LARGE1: variants seen among roughly 807,000 people sequenced by gnomAD.
LARGE1 encodes the protein LARGE xylosyl- and glucuronyltransferase 1.
Under a neutral mutation model 87.6 loss-of-function variants are expected in LARGE1, and 43 were observed. That is an observed-to-expected ratio of 0.49 (90% CI 0.38 to 0.63). LARGE1 has a LOEUF of 0.63. LARGE1 is among the 30% of genes least tolerant of loss of function. The probability of loss-of-function intolerance (pLI) is 0.00; values close to 1 mark genes in which losing one functional copy is unlikely to be tolerated. For missense variants in LARGE1, 802 were observed against 1,000.2 expected (o/e 0.80, Z 2.67); for synonymous variants, 434 against 394.6 (o/e 1.10, Z -1.18).
At chr22:33,266,326 A>G (rs1178701079) in intron 11 of LARGE1, among the ~76,000 whole-genome samples, 1 of 148,220 alleles carries the variant, frequency 6.7e-6, no homozygotes, top group Non-Finnish European at 1.5e-5. Context: ...GGTTCAAGCG[A>G]TTATCCTGCC....
At chr22:33,527,317 C>T (rs1156818835) in intron 6 of LARGE1, among the ~76,000 whole-genome samples, 6 of 152,170 alleles carry the variant, frequency 3.9e-5, no homozygotes, top group Non-Finnish European at 8.8e-5. Flanking sequence ...AGATTTGGAA[C>T]TCTGTTTTCC....
At chr22:33,255,186 C>G (rs1010792994) in intron 11 of LARGE1, among the ~76,000 whole-genome samples, 1 of 152,200 alleles carries the variant, frequency 6.6e-6, no homozygotes, top group African/African-American at 2.4e-5. Context: ...GATCCGCCTG[C>G]CTCGGCCTCC....
At chr22:33,878,426 G>T (rs1601837204) in intron 1 of LARGE1, among the ~76,000 whole-genome samples, 1 of 151,956 alleles carries the variant, frequency 6.6e-6, no homozygotes, top group South Asian at 2.1e-4. Context: ...ACCATACCCG[G>T]CCAGCTTATA....
chr22:33,669,720 A>G (rs1364373499), intron 2 of LARGE1, among the ~76,000 whole-genome samples: 1 of 152,194 alleles, frequency 6.6e-6, no homozygotes, highest in Non-Finnish European at 1.5e-5. Context: ...AGATTAAATT[A>G]CTGCAGCACA....
chr22:33,767,245 C>A (rs540404937), intron 1 of LARGE1, among the ~76,000 whole-genome samples: 5 of 151,068 alleles, frequency 3.3e-5, no homozygotes, highest in Non-Finnish European at 5.9e-5. Flanking sequence ...TTGCTTGAAC[C>A]GGGGAGGCGG....
chr22:33,450,489 C>T (rs752509617), intron 6 of LARGE1, among the ~76,000 whole-genome samples: 233 of 151,310 alleles, frequency 1.5e-3, no homozygotes, highest in Non-Finnish European at 2.6e-3. Flanking sequence ...GGCGGGTGCC[C>T]GTAGTCCCAG....
intron 1 of LARGE1, among the ~76,000 whole-genome samples, chr22:33,899,600 G>A (rs2065232811): frequency 6.6e-6 from 1 of 152,160 alleles, no homozygotes; most frequent in Non-Finnish European, 1.5e-5. Context: ...AGCAAGCAGG[G>A]ACTGGGACTT....
rs896276251 is a variant in LARGE1 at position 33,630,374 on chromosome 22, C to G, written c.409-4048G>C. ...CACAGATATCTTCTGAGTAGCCTAT[C>G]ATCGTTAGGTGACTTTGTCTTCCGA... On this transcript the variant is annotated intron_variant, in intron 3 of 14. Coordinates refer to ENST00000397394, the MANE Select transcript of LARGE1 (RefSeq NM_133642.5). Among the ~76,000 whole-genome samples the G allele has an allele frequency of 4.6e-5, 7 of 152,196 alleles. No individual in the cohort carries two copies. In the East Asian group the frequency reaches 1.2e-3, roughly 25 times the overall value.
chr22:33,894,217 C>A (rs1176791723), intron 1 of LARGE1, among the ~76,000 whole-genome samples: 1 of 152,124 alleles, frequency 6.6e-6, no homozygotes, highest in Non-Finnish European at 1.5e-5. Context: ...GCCTCCTTCC[C>A]AGTGTTCTAA....
At chr22:33,769,881 T>C (rs1322777919) in intron 1 of LARGE1, among the ~76,000 whole-genome samples, 1 of 152,236 alleles carries the variant, frequency 6.6e-6, no homozygotes, top group African/African-American at 2.4e-5. Context: ...CCTGTTCCAC[T>C]GTGGCTCACT....
At chr22:33,076,931 C>A in the LARGE1 span, among the ~76,000 whole-genome samples, 1 of 152,072 alleles carries the variant, frequency 6.6e-6, no homozygotes, top group Non-Finnish European at 1.5e-5. Context: ...ATTTAATGCT[C>A]AAGTGGGAGG....
intron 6 of LARGE1, among the ~76,000 whole-genome samples, chr22:33,452,727 G>T (rs2067985261): frequency 6.6e-6 from 1 of 152,200 alleles, no homozygotes; most frequent in African/African-American, 2.4e-5. Flanking sequence ...AAAGGAGACT[G>T]CATAGAAACA....
intron 7 of LARGE1, among the ~76,000 whole-genome samples, chr22:33,430,877 A>G (rs2067055461): frequency 6.6e-6 from 1 of 152,118 alleles, no homozygotes; most frequent in Non-Finnish European, 1.5e-5. Flanking sequence ...AGCTCTCAGA[A>G]TTTGGGACTC....
intron 11 of LARGE1, among the ~76,000 whole-genome samples, chr22:33,173,877 C>T (rs913097560): frequency 3.4e-4 from 51 of 152,082 alleles, no homozygotes; most frequent in African/African-American, 1.2e-3. Flanking sequence ...CTTAGACTCC[C>T]ACACAATAAT....
At chr22:33,284,307 C>T (rs1479810742) in intron 12 of LARGE1, among the ~76,000 whole-genome samples, 4 of 152,200 alleles carry the variant, frequency 2.6e-5, no homozygotes, top group African/African-American at 7.2e-5. Flanking sequence ...ATTTCAGTGA[C>T]TCCTCAACTC....
chr22:33,866,460 C>T (rs1446819814), intron 1 of LARGE1, among the ~76,000 whole-genome samples: 4 of 152,184 alleles, frequency 2.6e-5, no homozygotes, highest in African/African-American at 9.6e-5. Context: ...AGATGGAGAG[C>T]AGTTCCATCC....
intron 3 of LARGE1, among the ~76,000 whole-genome samples, chr22:33,631,921 C>A (rs562364131): frequency 6.6e-6 from 1 of 152,294 alleles, no homozygotes; most frequent in African/African-American, 2.4e-5. Flanking sequence ...ATTTTTAGCT[C>A]CATTATGATC....
At chr22:33,430,587 GA>G (rs200104873) in intron 7 of LARGE1, among the ~76,000 whole-genome samples, 33 of 150,714 alleles carry the variant, frequency 2.2e-4, no homozygotes, top group Admixed American at 4.0e-4. Flanking sequence ...GGCATTACAG[GA>G]AAAAAAAAAT....
At chr22:33,337,871 G>A in intron 9 of LARGE1, 70 bp from the exon 10 acceptor site, 1 of 1,510,992 alleles carries the variant, frequency 6.6e-7, no homozygotes, top group Non-Finnish European at 9.2e-7. Flanking sequence ...CCTGTAGGAA[G>A]CCATGGCTCA....
Sources: allele counts gnomAD v4.1 joint callset (sites outside exome capture counted in the v4.1 genomes callset), GRCh38; gene constraint gnomAD v4.1.1; transcripts MANE v1.5; gene names NCBI Gene and HGNC (gene_info 2026-07-23, HGNC 2026-07-21).